CCDC192: variants seen among roughly 807,000 people sequenced by gnomAD.
CCDC192 encodes coiled-coil domain containing 192, also known as coiled-coil domain-containing protein 192.
chr5:127,716,063 T>C (rs1313630246), intron 2 of CCDC192, among the ~76,000 whole-genome samples: 3 of 152,218 alleles, frequency 2.0e-5, no homozygotes, highest in Admixed American at 1.3e-4. Flanking sequence ...GCAGATTCCT[T>C]CTATACCAAA....
intron 6 of CCDC192, among the ~76,000 whole-genome samples, chr5:127,882,210 C>T (rs754247729): frequency 2.0e-5 from 3 of 152,184 alleles, no homozygotes; most frequent in Non-Finnish European, 4.4e-5. Context: ...AGTGATTTTT[C>T]AGTGACACAT....
intron 5 of CCDC192, among the ~76,000 whole-genome samples, chr5:127,854,330 C>A (rs1313713495): frequency 6.6e-6 from 1 of 152,124 alleles, no homozygotes. Flanking sequence ...TACAGTAGTA[C>A]CCCCTTATTT....
At chr5:127,797,828 G>A (rs1757265984) in intron 4 of CCDC192, among the ~76,000 whole-genome samples, 1 of 145,662 alleles carries the variant, frequency 6.9e-6, no homozygotes, top group Admixed American at 6.9e-5. Flanking sequence ...TGATATAGGG[G>A]CATTTGCATT....
intron 6 of CCDC192, among the ~76,000 whole-genome samples, chr5:127,893,256 C>A (rs578101866): frequency 6.6e-6 from 1 of 152,290 alleles, no homozygotes; most frequent in Admixed American, 6.5e-5. Context: ...AGGACCAGAT[C>A]CCAGCTCAGT....
intron 6 of CCDC192, among the ~76,000 whole-genome samples, chr5:127,911,128 G>A (rs889844123): frequency 9.2e-5 from 14 of 152,100 alleles, no homozygotes; most frequent in Admixed American, 5.9e-4. Flanking sequence ...AATGGAAATC[G>A]CTTTCTTTAA....
intron 2 of CCDC192, among the ~76,000 whole-genome samples, chr5:127,737,460 G>A (rs1032143201): frequency 6.3e-4 from 95 of 151,854 alleles, no homozygotes; most frequent in Admixed American, 1.2e-3. Context: ...TTGGTGCAGA[G>A]CTGAGTTCAA....
chr5:127,915,757 G>T (rs535375491), intron 6 of CCDC192, among the ~76,000 whole-genome samples: 71 of 152,126 alleles, frequency 4.7e-4, no homozygotes, highest in African/African-American at 1.7e-3. Flanking sequence ...GCTATTGTTA[G>T]TGTATTTTAT....
chr5:127,843,726 C>T (rs1427134436), intron 5 of CCDC192, among the ~76,000 whole-genome samples: 1 of 152,178 alleles, frequency 6.6e-6, no homozygotes, highest in Non-Finnish European at 1.5e-5. Context: ...GCATGAGCCA[C>T]CTCGCCCAGC....
intron 2 of CCDC192, among the ~76,000 whole-genome samples, chr5:127,738,131 G>A (rs1403749219): frequency 2.6e-5 from 4 of 151,632 alleles, no homozygotes; most frequent in Non-Finnish European, 5.9e-5. Flanking sequence ...GCCTGGTGGT[G>A]ACAAAATCTC....
chr5:127,891,583 C>T (rs1305039975), intron 6 of CCDC192, among the ~76,000 whole-genome samples: 1 of 152,206 alleles, frequency 6.6e-6, no homozygotes, highest in East Asian at 1.9e-4. Flanking sequence ...TTATTTGCCT[C>T]ATCTCATGCA....
chr5:127,933,418 TG>T (rs1754102862), intron 6 of CCDC192, among the ~76,000 whole-genome samples: 1 of 152,182 alleles, frequency 6.6e-6, no homozygotes, highest in African/African-American at 2.4e-5. Flanking sequence ...ATGATGAGCA[TG>T]GGCACTGGAG....
chr5:127,892,570 G>A (rs1486882751), intron 6 of CCDC192, among the ~76,000 whole-genome samples: 1 of 152,212 alleles, frequency 6.6e-6, no homozygotes, highest in Non-Finnish European at 1.5e-5. Flanking sequence ...GTATGTAGGT[G>A]ATGTGGAAGA....
chr5:127,880,740 G>C (rs1178314791), intron 6 of CCDC192, among the ~76,000 whole-genome samples: 3 of 152,156 alleles, frequency 2.0e-5, no homozygotes, highest in Non-Finnish European at 4.4e-5. Flanking sequence ...AGCACTTTGG[G>C]AGGCAGAGGT....
intron 2 of CCDC192, among the ~76,000 whole-genome samples, chr5:127,709,628 GT>G (rs1303116121): frequency 6.6e-6 from 1 of 152,166 alleles, no homozygotes; most frequent in Non-Finnish European, 1.5e-5. Flanking sequence ...CAGAAAGAGT[GT>G]TTCTCTTGAA....
At chr5:127,866,149 G>C (rs186785180) in intron 5 of CCDC192, among the ~76,000 whole-genome samples, 21 of 151,990 alleles carry the variant, frequency 1.4e-4, no homozygotes, top group East Asian at 5.8e-4. Context: ...GCAATGCTAC[G>C]TGGTTATGAG....
At chr5:127,800,770 G>C (rs1757465655) in intron 5 of CCDC192, among the ~76,000 whole-genome samples, 1 of 152,106 alleles carries the variant, frequency 6.6e-6, no homozygotes, top group South Asian at 2.1e-4. Context: ...AAACTACAAA[G>C]CAGTTTTAAA....
intron 6 of CCDC192, among the ~76,000 whole-genome samples, chr5:127,904,153 G>C (rs1447455108): frequency 6.6e-6 from 1 of 152,192 alleles, no homozygotes; most frequent in Non-Finnish European, 1.5e-5. Context: ...TTTGAGGATA[G>C]AGAAAGGGAG....
chr5:127,901,169 CTTTCTT>C (rs1753028407), intron 6 of CCDC192, among the ~76,000 whole-genome samples: 1 of 152,104 alleles, frequency 6.6e-6, no homozygotes, highest in Non-Finnish European at 1.5e-5. Context: ...AAGATGAACT[CTTTCTT>C]TTTATGAAGT....
chr5:127,758,768 A>C (rs940046306), intron 3 of CCDC192, among the ~76,000 whole-genome samples: 3 of 152,250 alleles, frequency 2.0e-5, no homozygotes. Flanking sequence ...TTTCTAGAGA[A>C]GCCCATAAAA....
Sources: allele counts gnomAD v4.1 joint callset (sites outside exome capture counted in the v4.1 genomes callset), GRCh38; gene constraint gnomAD v4.1.1; transcripts MANE v1.5; gene names NCBI Gene and HGNC (gene_info 2026-07-23, HGNC 2026-07-21).